The following PLCL1 variants were observed in gnomAD, a reference collection of about 807,000 sequenced individuals.
PLCL1 encodes the protein inactive phospholipase C-like protein 1.
In PLCL1, 41 loss-of-function variants were observed where a neutral mutation model predicts 84.4. That is an observed-to-expected ratio of 0.49 (90% CI 0.38 to 0.63). The LOEUF is 0.63. Among genes scored for constraint, PLCL1 ranks in the 30% least tolerant of loss-of-function variants. PLCL1 has a pLI of 0.00. For synonymous variants in PLCL1, 490 were observed against 488.3 expected, an observed-to-expected ratio of 1.00 and a Z score of -0.05; for missense variants, 1,206 against 1,367.8, an observed-to-expected ratio of 0.88 and a Z score of 1.87.
intron 1 of PLCL1, among the ~76,000 whole-genome samples, chr2:198,002,343 T>C (rs569660311): frequency 1.3e-5 from 2 of 152,356 alleles, no homozygotes; most frequent in Admixed American, 1.3e-4. Flanking sequence ...TATATATATC[T>C]TGAAATCAAA....
At chr2:198,007,754 C>G (rs1690764013) in intron 1 of PLCL1, among the ~76,000 whole-genome samples, 1 of 152,142 alleles carries the variant, frequency 6.6e-6, no homozygotes, top group Non-Finnish European at 1.5e-5. Context: ...CAGATTCCAG[C>G]TCTCTTGCTC....
chr2:198,002,607 G>A (rs998632987), intron 1 of PLCL1, among the ~76,000 whole-genome samples: 1 of 152,110 alleles, frequency 6.6e-6, no homozygotes, highest in African/African-American at 2.4e-5. Context: ...CTCATTTCCA[G>A]TAACTTAGCT....
At chr2:197,981,106 G>T (rs1211637494) in intron 1 of PLCL1, among the ~76,000 whole-genome samples, 1 of 152,176 alleles carries the variant, frequency 6.6e-6, no homozygotes, top group Non-Finnish European at 1.5e-5. Context: ...ACTGCAAGTT[G>T]CATTCACTAG....
chr2:197,909,328 CT>C (rs796675884), intron 1 of PLCL1, among the ~76,000 whole-genome samples: 2,583 of 146,626 alleles, frequency 0.018, 57 homozygotes, highest in African/African-American at 0.056. Flanking sequence ...TTCTTTTTCT[CT>C]TTTTTTTTTT....
chr2:198,038,625 T>C (rs1691595344), intron 1 of PLCL1, among the ~76,000 whole-genome samples: 1 of 152,138 alleles, frequency 6.6e-6, no homozygotes, highest in Non-Finnish European at 1.5e-5. Context: ...ATTTTTAGCA[T>C]CTGTACTTGT....
chr2:197,841,562 C>T (rs986059843), intron 1 of PLCL1, among the ~76,000 whole-genome samples: 4 of 152,194 alleles, frequency 2.6e-5, no homozygotes, highest in African/African-American at 9.6e-5. Context: ...CTTTTTGACA[C>T]TGAATAATAT....
At chr2:198,093,518 G>A (rs945929279) in intron 3 of PLCL1, among the ~76,000 whole-genome samples, 1 of 152,126 alleles carries the variant, frequency 6.6e-6, no homozygotes, top group African/African-American at 2.4e-5. Flanking sequence ...TGATTTGGAT[G>A]AATAAGGGAA....
In PLCL1 at chr2:198,018,272, A is replaced by G. The variant is rs557008435; in HGVS notation, c.241-65486A>G. Among the ~76,000 whole-genome samples the G allele has an allele frequency of 1.7e-4, 26 of 152,132 alleles. 1 individual carries two copies. The highest frequency in any genetic ancestry group is 2.9e-4 in the Non-Finnish European group (20 of 68,014). ...ATTCCCTCAGGTGCCTACACCACAA[A>G]GGCCCTGGGTTTCAAGCACAAAACT... On this transcript the variant is annotated intron_variant, in intron 1 of 5. Transcript: ENST00000428675.
intron 2 of PLCL1, among the ~76,000 whole-genome samples, chr2:198,087,848 A>G (rs1298710303): frequency 6.6e-6 from 1 of 152,088 alleles, no homozygotes; most frequent in Non-Finnish European, 1.5e-5. Context: ...AAAGAAAATA[A>G]ATCCAGGATT....
chr2:198,056,711 T>C (rs1692081127), intron 1 of PLCL1, among the ~76,000 whole-genome samples: 1 of 152,240 alleles, frequency 6.6e-6, no homozygotes, highest in South Asian at 2.1e-4. Flanking sequence ...CTTTTGTGAC[T>C]ATTAGCATTT....
chr2:197,899,790 C>T (rs1688228029), intron 1 of PLCL1, among the ~76,000 whole-genome samples: 2 of 151,754 alleles, frequency 1.3e-5, no homozygotes, highest in South Asian at 2.1e-4. Flanking sequence ...CGCCCGCTAC[C>T]ACGCCCGGCT....
chr2:198,118,952 T>G (rs575682006), intron 5 of PLCL1, among the ~76,000 whole-genome samples: 1 of 152,152 alleles, frequency 6.6e-6, no homozygotes, highest in South Asian at 2.1e-4. Flanking sequence ...AAATCTTCAG[T>G]CATTTCAAAA....
chr2:197,977,879 G>C (rs1690019885), intron 1 of PLCL1, among the ~76,000 whole-genome samples: 1 of 152,112 alleles, frequency 6.6e-6, no homozygotes, highest in African/African-American at 2.4e-5. Context: ...CTGCTCCCCA[G>C]ATTTTCCCAC....
chr2:197,889,781 C>T (rs576115903), intron 1 of PLCL1, among the ~76,000 whole-genome samples: 18 of 152,044 alleles, frequency 1.2e-4, no homozygotes, highest in South Asian at 1.0e-3. Context: ...AAATAAATAC[C>T]AATAAATTGA....
chr2:198,020,896 A>C (rs946868330), intron 1 of PLCL1, among the ~76,000 whole-genome samples: 2 of 152,200 alleles, frequency 1.3e-5, no homozygotes, highest in African/African-American at 4.8e-5. Flanking sequence ...GACCAAGCAG[A>C]CCTAATAGAC....
In PLCL1 at chr2:198,085,854, T is replaced by G. The variant is rs1337548268; in HGVS notation, c.2337T>G (p.Asp779Glu). 1 of 1,614,196 alleles carries G rather than the reference T, an allele frequency of 6.2e-7. No individual in the cohort carries two copies. The highest frequency in any genetic ancestry group is 1.1e-5 in the South Asian group (1 of 91,082). Residue 779 changes from aspartate to glutamate, a missense_variant, in exon 2 of 6, where the codon GAT becomes GAG. Asp to Glu is a conservative substitution (Grantham distance 45, BLOSUM62 2). Coordinates refer to ENST00000428675, the MANE Select transcript of PLCL1 (RefSeq NM_006226.4). This position sits in a 1 kb window ranked among gnomAD's most constrained non-coding sequence, Gnocchi z 5.3. ...AAAACAGTGATAATCCTATTTTTGA[T>G]GAAACTTTTGAGTTCCAAGTAAACC... ...VQQNSDNPIF[D>E]ETFEFQVNLP... is the part of the protein sequence containing the mutation.
chr2:198,037,056 A>G (rs979567809), intron 1 of PLCL1, among the ~76,000 whole-genome samples: 7 of 152,196 alleles, frequency 4.6e-5, no homozygotes, highest in African/African-American at 1.7e-4. Flanking sequence ...CTTATCCTCC[A>G]TTACACTAGA....
chr2:198,013,478 G>A (rs557064405), intron 1 of PLCL1, among the ~76,000 whole-genome samples: 7 of 152,106 alleles, frequency 4.6e-5, no homozygotes, highest in African/African-American at 1.7e-4. Context: ...TACCTTTTGG[G>A]TAAATCTTCT....
At chr2:198,102,440 T>C (rs1478707314) in intron 4 of PLCL1, among the ~76,000 whole-genome samples, 1 of 152,074 alleles carries the variant, frequency 6.6e-6, no homozygotes, top group Non-Finnish European at 1.5e-5. Context: ...ATGTTTGTGA[T>C]GTTAGCACCA....
Sources: gnomAD v4.1 joint callset for allele counts (sites outside exome capture counted in the v4.1 genomes callset) on GRCh38, gnomAD v4.1.1 for gene constraint, Gnocchi (gnomAD v3.1) non-coding constraint, MANE v1.5 for transcripts, NCBI Gene and HGNC (gene_info 2026-07-23, HGNC 2026-07-21) for gene names.